SLC6A3: variants seen among roughly 807,000 people sequenced by gnomAD.
SLC6A3 encodes solute carrier family 6 member 3.
In SLC6A3, 19 loss-of-function variants were observed where a neutral mutation model predicts 70.4. That is an observed-to-expected ratio of 0.27 (90% confidence interval 0.19 to 0.40). SLC6A3 has a LOEUF of 0.40. Among genes scored for constraint, SLC6A3 ranks in the 10% least tolerant of loss-of-function variants. The pLI is 1.00. For synonymous variants in SLC6A3, 368 were observed against 356.6 expected (o/e 1.03, Z -0.36); for missense variants, 613 against 838.5 (o/e 0.73, Z 3.32).
In SLC6A3 at chr5:1,421,863, C is replaced by G; in HGVS notation, c.792+13G>C. The G allele has an allele frequency of 6.2e-7, 1 of 1,613,040 alleles. No individual in the cohort carries two copies. Among genetic ancestry groups the G allele is most frequent in the Non-Finnish European group, 8.5e-7 (1 of 1,179,898 alleles). ...CATGTCTACAGGCCCAATTGGTGAC[C>G]CCCGAGCCTCACCTTCCCTGAGGTC... On this transcript the variant is annotated intron_variant, in intron 5 of 14. Transcript: ENST00000270349. This position sits in a 1 kb window ranked among gnomAD's most constrained non-coding sequence, Gnocchi z 7.2.
chr5:1,419,679 C>T (rs758339471), intron 6 of SLC6A3, among the ~76,000 whole-genome samples: 3 of 152,188 alleles, frequency 2.0e-5, no homozygotes, highest in Non-Finnish European at 4.4e-5. Flanking sequence ...GATTTTGCTG[C>T]CCTGGTTGTC....
At chr5:1,400,834 G>C in intron 14 of SLC6A3, 81 bp downstream of exon 14, 1 of 994,836 alleles carries the variant, frequency 1.0e-6, no homozygotes, top group Middle Eastern at 2.1e-4. Context: ...CAGCCTCGGA[G>C]CCCCCTGGGG....
In SLC6A3 at chr5:1,408,628, G is replaced by A. The variant is rs1482226957; in HGVS notation, c.1498+398C>T. Among the ~76,000 whole-genome samples, 3 of 152,176 alleles carry A rather than the reference G, an allele frequency of 2.0e-5. No homozygotes were observed. The highest frequency in any genetic ancestry group is 4.8e-5 in the African/African-American group (2 of 41,444). On this transcript the variant is annotated intron_variant, in intron 11 of 14. Transcript: ENST00000270349. This position sits in a 1 kb window ranked among gnomAD's most constrained non-coding sequence, Gnocchi z 6.4. The stretch of plus-strand genomic sequence containing the variant: ...CGCCGCCCGCTGATCATCAGGTCCC[G>A]ACTGCTCTGGAGCTCTGGTCAGCAG...
At chr5:1,412,177 G>A (rs190471243) in intron 8 of SLC6A3, among the ~76,000 whole-genome samples, 3 of 152,262 alleles carry the variant, frequency 2.0e-5, no homozygotes, top group Non-Finnish European at 4.4e-5. Flanking sequence ...GAGGTTAGAC[G>A]TGGCTGCACT....
chr5:1,401,145 C>T lies in SLC6A3; in HGVS notation c.1768-159G>A, dbSNP rs1755841326. On this transcript the variant is annotated intron_variant, in intron 13 of 14. Transcript: ENST00000270349. This position sits in a 1 kb window ranked among gnomAD's most constrained non-coding sequence, Gnocchi z 6.1. Reference sequence around the variant, plus strand: ...CCGCTGGCATCCATATCACCAGCGCCCACCACTGACTTACACTGCCAGTGC... The same window carrying T: ...CCGCTGGCATCCATATCACCAGCGCTCACCACTGACTTACACTGCCAGTGC... 1.4e-6 allele frequency: 1 copy of T among 707,664 alleles called. No individual in the cohort carries two copies. 43.8% of individuals were successfully genotyped at this position (707,664 alleles called of 1,614,324 possible).
rs746755246 is a variant in SLC6A3 at position 1,413,881 on chromosome 5, C to A, written c.1156+810G>T. 3.3e-5 allele frequency among the ~76,000 whole-genome samples: 5 copies of A among 152,224 alleles called. No homozygotes were observed. Among genetic ancestry groups the A allele is most frequent in the Non-Finnish European group, 5.9e-5 (4 of 68,036 alleles). ...CCCAAGTGCCTGGGCCCACTCTCAG[C>A]CCCTGCATCTGTGCCCGTCCTGCCG... On this transcript the variant is annotated intron_variant, in intron 8 of 14. Coordinates refer to ENST00000270349, the MANE Select transcript of SLC6A3 (RefSeq NM_001044.5). The surrounding 1 kb of genome is among the most constrained non-coding windows in gnomAD (Gnocchi z 7.1).
At chr5:1,443,535 G>C (rs894541274) in intron 1 of SLC6A3, among the ~76,000 whole-genome samples, 6 of 152,242 alleles carry the variant, frequency 3.9e-5, no homozygotes, top group Admixed American at 3.9e-4. Context: ...GTGCAAGGCT[G>C]TGTGAGCTCT....
chr5:1,440,986 T>C (rs1324018471), intron 3 of SLC6A3, among the ~76,000 whole-genome samples: 1 of 152,212 alleles, frequency 6.6e-6, no homozygotes. Context: ...GAATGATTGA[T>C]ATAAAGACCA....
chr5:1,432,511 C>T lies in SLC6A3; in HGVS notation c.606G>A (p.Ser202=), dbSNP rs376554288. The change falls in exon 4 of 15, where the codon TCG becomes TCA. Residue 202 remains serine, a synonymous_variant. Coordinates refer to ENST00000270349, the MANE Select transcript of SLC6A3 (RefSeq NM_001044.5). ...TGGTCCCAAAAGTGTCGTTGAGGCC[C>T]GAGCTGTCTCCACTGGAGTCACCAG... ...AHPGDSSGDS[S]GLNDTFGTTP... 23 of 1,614,096 alleles carry T rather than the reference C, an allele frequency of 1.4e-5. No individual in the cohort carries two copies. Among genetic ancestry groups the T allele is most frequent in the Middle Eastern group, 1.6e-4 (1 of 6,084 alleles).
At chr5:1,435,502 A>G (rs1756808133) in intron 3 of SLC6A3, among the ~76,000 whole-genome samples, 2 of 152,242 alleles carry the variant, frequency 1.3e-5, no homozygotes, top group African/African-American at 4.8e-5. Context: ...CCTGCCCTGC[A>G]CCACAGATTG....
At position 1,402,147 on chromosome 5, in the gene SLC6A3, G is replaced by A. The variant is rs1020333297; in HGVS notation, c.1767+775C>T. Among the ~76,000 whole-genome samples the A allele has an allele frequency of 2.0e-5, 3 of 152,022 alleles. No individual in the cohort carries two copies. Among genetic ancestry groups the A allele is most frequent in the South Asian group, 2.1e-4 (1 of 4,824 alleles). On this transcript the variant is annotated intron_variant, in intron 13 of 14. Coordinates refer to ENST00000270349, the MANE Select transcript of SLC6A3 (RefSeq NM_001044.5). This position sits in a 1 kb window ranked among gnomAD's most constrained non-coding sequence, Gnocchi z 8.5. Reference sequence around the variant, plus strand: ...GGGGTTTTGATGCCCAGGGCCAAGCGACTTCTTTCTGAGAAAGGCTGGGAT... The same window carrying A: ...GGGGTTTTGATGCCCAGGGCCAAGCAACTTCTTTCTGAGAAAGGCTGGGAT...
Position 1,420,642 on chromosome 5 carries a change from A to G in SLC6A3, c.854T>C (p.Val285Ala). ...GCCGTCTATGGCTCCAGGGAGGGTGACCCCACGCAGGAGCAGGGCAGTGAG... is the reference window on the plus strand; with the variant it reads ...GCCGTCTATGGCTCCAGGGAGGGTGGCCCCACGCAGGAGCAGGGCAGTGAG... The part of the protein sequence containing the change: ...VVLTALLLRG[V>A]TLPGAIDGIR... The change falls in exon 6 of 15, where the codon GTC (valine) becomes GCC (alanine). Residue 285 changes from valine (V) to alanine (A), a missense_variant. Val to Ala is a moderately conservative substitution (Grantham distance 64, BLOSUM62 0). Transcript: ENST00000270349. 1 of 1,613,546 alleles carries G rather than the reference A, an allele frequency of 6.2e-7. No individual in the cohort carries two copies. Among genetic ancestry groups the G allele is most frequent in the South Asian group, 1.1e-5 (1 of 91,082 alleles).
chr5:1,437,863 C>G lies in SLC6A3; in HGVS notation c.418+3496G>C, dbSNP rs1461478438. Among the ~76,000 whole-genome samples the G allele has an allele frequency of 6.6e-6, 1 of 152,238 alleles. No homozygotes were observed. Among genetic ancestry groups the G allele is most frequent in the Non-Finnish European group, 1.5e-5 (1 of 68,040 alleles). The stretch of plus-strand genomic sequence containing the variant: ...TTGTTGTGGGCACTTTAGCTGATGT[C>G]TTAATTTACCACGTGGCACTTCTAT... On this transcript the variant is annotated intron_variant, in intron 3 of 14. Coordinates refer to ENST00000270349, the MANE Select transcript of SLC6A3 (RefSeq NM_001044.5). This position sits in a 1 kb window ranked among gnomAD's most constrained non-coding sequence, Gnocchi z 4.8.
intron 4 of SLC6A3, among the ~76,000 whole-genome samples, chr5:1,423,763 C>T (rs1383071996): frequency 6.6e-6 from 1 of 152,212 alleles, no homozygotes; most frequent in East Asian, 1.9e-4. Context: ...GCTGCGTCAC[C>T]ACTGCAGACT....
Position 1,411,333 on chromosome 5 carries a change from G to T in SLC6A3, c.1179C>A (p.Ile393=). The part of the protein sequence containing the change: ...AKDGPGLIFI[I]YPEAIATLPL... ...GGAGCGTGGCGATGGCTTCCGGGTA[G>T]ATGATGAAGATCAGCCCTGGCCCTG... Residue 393 remains isoleucine, a synonymous_variant, in exon 9 of 15, where the codon ATC becomes ATA. Transcript: ENST00000270349. This position sits in a 1 kb window ranked among gnomAD's most constrained non-coding sequence, Gnocchi z 6.5. The T allele has an allele frequency of 6.4e-7, 1 of 1,551,718 alleles. No individual in the cohort carries two copies.
rs1242410433 is a variant in SLC6A3 at position 1,406,194 on chromosome 5, AAAGCAGGGGC to A, written c.1583_1592del (p.Ser528IlefsTer11). 1 of 1,611,114 alleles carries A rather than the reference AAAGCAGGGGC, an allele frequency of 6.2e-7. No homozygotes were observed. The highest frequency in any genetic ancestry group is 8.5e-7 in the Non-Finnish European group (1 of 1,178,346). ...GTGGCCCGAGGTCCCTTACCAGGAGAAAGCAGGGGCTGACCAGCTTCCAGCACAGCCGCCA... is the reference window on the plus strand; with the variant it reads ...GTGGCCCGAGGTCCCTTACCAGGAGATGACCAGCTTCCAGCACAGCCGCCA... On this transcript the variant is annotated frameshift_variant, in exon 12 of 15. Transcript: ENST00000270349. LOFTEE classifies it high-confidence loss of function. This position sits in a 1 kb window ranked among gnomAD's most constrained non-coding sequence, Gnocchi z 8.8.
intron 6 of SLC6A3, 84 bp from the exon 7 acceptor site, chr5:1,416,285 C>A (rs1259115319): frequency 1.0e-6 from 1 of 967,222 alleles, no homozygotes; most frequent in East Asian, 2.5e-5. Context: ...CCTGTCCCAG[C>A]CCCACACTGA....
At chr5:1,417,979 A>T (rs1459450904) in intron 6 of SLC6A3, among the ~76,000 whole-genome samples, 2 of 152,244 alleles carry the variant, frequency 1.3e-5, no homozygotes, top group Non-Finnish European at 2.9e-5. Context: ...GCCTCAAGGC[A>T]ACCCCAGTTC....
At chr5:1,439,397 G>T (rs1756919787) in intron 3 of SLC6A3, among the ~76,000 whole-genome samples, 1 of 152,196 alleles carries the variant, frequency 6.6e-6, no homozygotes, top group African/African-American at 2.4e-5. Flanking sequence ...TGAATGTGGA[G>T]CCCAGGAAGA....
Sources: allele counts gnomAD v4.1 joint callset (sites outside exome capture counted in the v4.1 genomes callset), GRCh38; gene constraint gnomAD v4.1.1; non-coding constraint Gnocchi (gnomAD v3.1); transcripts MANE v1.5; gene names NCBI Gene and HGNC (gene_info 2026-07-23, HGNC 2026-07-21).